ASPHD2: variants seen among roughly 807,000 people sequenced by gnomAD.
ASPHD2 encodes aspartate beta-hydroxylase domain-containing protein 2.
Under a neutral mutation model 34.6 loss-of-function variants are expected in ASPHD2, and 12 were observed. The ratio of observed to expected loss-of-function variants is 0.35; its 90% CI spans 0.22 to 0.56. The LOEUF (loss-of-function observed/expected upper bound fraction) is 0.56, where lower values mean the gene tolerates loss of function less well. Among genes scored for constraint, ASPHD2 ranks in the 20% least tolerant of loss-of-function variants. The pLI, the probability that ASPHD2 is intolerant of heterozygous loss-of-function variation, is 0.87. For missense variants in ASPHD2, 375 were observed against 505.0 expected, an observed-to-expected ratio of 0.74 and a Z score of 2.47; for synonymous variants, 224 against 212.2, an observed-to-expected ratio of 1.06 and a Z score of -0.48.
rs941484683 is a variant in ASPHD2 at position 26,442,589 on chromosome 22, C to A, written c.1000+17C>A. 3 of 1,531,956 alleles carry A rather than the reference C, an allele frequency of 2.0e-6. No homozygotes were observed. Among genetic ancestry groups the A allele is most frequent in the Admixed American group, 2.1e-5 (1 of 48,622 alleles). 94.9% of individuals were successfully genotyped at this position (1,531,956 alleles called of 1,614,324 possible). A position where few individuals can be genotyped will look rare whatever the true frequency, so the allele number is the denominator to read the frequency against. ...TCCATGAAGGTGAGTGGCTGCCTTT[C>A]CCACTTCCTTTTTTTCAATGAATAG... On this transcript the variant is annotated intron_variant, in intron 3 of 3. Transcript: ENST00000215906.
At position 26,434,346 on chromosome 22, in the gene ASPHD2, G is replaced by C; in HGVS notation, c.731G>C (p.Cys244Ser). Reference sequence around the variant, plus strand: ...CAGGGGGTTTGTGTTCCCAGGAACTGTAGGAAGTGCCCACGGACGTACCGC... The same window carrying C: ...CAGGGGGTTTGTGTTCCCAGGAACTCTAGGAAGTGCCCACGGACGTACCGC... The part of the protein sequence containing the change: ...VNQGVCVPRN[C>S]RKCPRTYRLL... The change falls in exon 2 of 4, where the codon TGT becomes TCT. Residue 244 changes from cysteine to serine, a missense_variant. Coordinates refer to ENST00000215906, the MANE Select transcript of ASPHD2 (RefSeq NM_020437.5). The C allele has an allele frequency of 1.2e-6, 2 of 1,614,196 alleles. No individual in the cohort carries two copies. The highest frequency in any genetic ancestry group is 1.7e-6 in the Non-Finnish European group (2 of 1,180,024).
chr22:26,443,107 G>C lies in ASPHD2; in HGVS notation c.1011G>C (p.Glu337Asp). 6.2e-7 allele frequency: 1 copy of C among 1,614,086 alleles called. No individual in the cohort carries two copies. The highest frequency in any genetic ancestry group is 8.5e-7 in the Non-Finnish European group (1 of 1,179,936). The change falls in exon 4 of 4, where the codon GAG (glutamate) becomes GAC (aspartate). Residue 337 changes from glutamate (E) to aspartate (D), a missense_variant. By Grantham distance (45) the Glu-to-Asp change is conservative. Around this residue, in one of 3 missense-constraint regions of ASPHD2, gnomAD observed 142 missense variants for 217.9 expected, o/e 0.65. Transcript: ENST00000215906. ...LHAAFHEGSA[E>D]DGPRVVFMVD... ...CTCCTTCCCCCCCAGGTTCAGCAGA[G>C]GATGGCCCACGGGTGGTTTTCATGG...
rs1438575761 is a variant in ASPHD2, at chr22:26,433,520, G to A, written c.-96G>A. 1.1e-6 allele frequency: 1 copy of A among 937,102 alleles called. No homozygotes were observed. The highest frequency in any genetic ancestry group is 1.6e-6 in the Non-Finnish European group (1 of 616,014). 58.0% of individuals were successfully genotyped at this position (937,102 alleles called of 1,614,324 possible). ...TGGAGCAGTGGGCACGGCCAACCTT[G>A]TCGTTCATCAATGCCGCCCCTGGCA... On this transcript the variant is annotated 5_prime_UTR_variant, in exon 2 of 4. Coordinates refer to ENST00000215906, the MANE Select transcript of ASPHD2 (RefSeq NM_020437.5). The surrounding 1 kb of genome is among the most constrained non-coding windows in gnomAD (Gnocchi z 5.1).
Position 26,433,289 on chromosome 22 carries a change from A to G in ASPHD2, c.-224-103A>G. On this transcript the variant is annotated intron_variant, in intron 1 of 3. Transcript: ENST00000215906. The surrounding 1 kb of genome is among the most constrained non-coding windows in gnomAD (Gnocchi z 5.1). Reference sequence around the variant, plus strand: ...GGAATACACAAGATTGCAAAGTGTGACCCCCACCAACTAGGATCCTACAGA... The same window carrying G: ...GGAATACACAAGATTGCAAAGTGTGGCCCCCACCAACTAGGATCCTACAGA... 5.5e-6 allele frequency: 2 copies of G among 360,566 alleles called. No individual in the cohort carries two copies. 22.3% of individuals were successfully genotyped at this position (360,566 alleles called of 1,614,324 possible).
intron 2 of ASPHD2, among the ~76,000 whole-genome samples, chr22:26,435,457 G>C (rs866815173): frequency 6.6e-6 from 1 of 152,280 alleles, no homozygotes; most frequent in South Asian, 2.1e-4. Context: ...CCTTGGCAGC[G>C]TCCAGCTTTA....
At chr22:26,431,444 A>G (rs2084755674) in intron 1 of ASPHD2, among the ~76,000 whole-genome samples, 1 of 152,066 alleles carries the variant, frequency 6.6e-6, no homozygotes, top group Non-Finnish European at 1.5e-5. Flanking sequence ...AAAAGAAAAC[A>G]AAAAACAACT....
At chr22:26,430,552 T>A (rs1449913694) in intron 1 of ASPHD2, among the ~76,000 whole-genome samples, 2 of 152,214 alleles carry the variant, frequency 1.3e-5, no homozygotes, top group Non-Finnish European at 2.9e-5. Flanking sequence ...GGCAAGGAGC[T>A]GTCGGGGGAG....
In ASPHD2 at chr22:26,433,601, C is replaced by G. The variant is rs746631415; in HGVS notation, c.-15C>G. On this transcript the variant is annotated 5_prime_UTR_variant, in exon 2 of 4. Coordinates refer to ENST00000215906, the MANE Select transcript of ASPHD2 (RefSeq NM_020437.5). This position sits in a 1 kb window ranked among gnomAD's most constrained non-coding sequence, Gnocchi z 5.1. The stretch of plus-strand genomic sequence containing the variant: ...CCCCTGCCCCAGCCGCTCCTTCCCC[C>G]CCACGCTAATCTGCATGGTGTGGGC... The G allele has an allele frequency of 1.3e-5, 21 of 1,603,166 alleles. No homozygotes were observed. Among genetic ancestry groups the G allele is most frequent in the Non-Finnish European group, 1.7e-5 (20 of 1,175,814 alleles).
At chr22:26,436,970 A>C (rs1238609428) in intron 2 of ASPHD2, among the ~76,000 whole-genome samples, 2 of 152,154 alleles carry the variant, frequency 1.3e-5, no homozygotes, top group Non-Finnish European at 2.9e-5. Context: ...ATGTTCCTGT[A>C]GATAGCAGGA....
intron 3 of ASPHD2, 58 bp downstream of exon 3, chr22:26,442,630 G>A (rs2084858236): frequency 2.1e-6 from 3 of 1,414,474 alleles, no homozygotes; most frequent in East Asian, 2.3e-5. Flanking sequence ...TATTTTTTTA[G>A]AGAAGTTTTA....
At position 26,443,410 on chromosome 22, in the gene ASPHD2, A is replaced by ATTT; in HGVS notation, c.*214_*216dup. ...AACTTTTCGGCTTGTATTTCCTTAG[A>ATTT]TTTTTTTTTTTTCCTTCCAATCATT... On this transcript the variant is annotated 3_prime_UTR_variant, in exon 4 of 4. Coordinates refer to ENST00000215906, the MANE Select transcript of ASPHD2 (RefSeq NM_020437.5). 7.0e-6 allele frequency: 3 copies of ATTT among 427,258 alleles called. No homozygotes were observed. Among genetic ancestry groups the ATTT allele is most frequent in the East Asian group, 4.2e-5 (1 of 23,892 alleles). 26.5% of individuals were successfully genotyped at this position (427,258 alleles called of 1,614,324 possible). A position where few individuals can be genotyped will look rare whatever the true frequency, so the allele number is the denominator to read the frequency against.
rs1703599121 is a variant in ASPHD2, at chr22:26,434,282, A to G, written c.667A>G (p.Thr223Ala). The change falls in exon 2 of 4, where the codon ACC becomes GCC. Residue 223 changes from threonine (T) to alanine (A), a missense_variant. Physicochemically the swap from Thr to Ala is moderately conservative, Grantham distance 58. Around this residue, in one of 3 missense-constraint regions of ASPHD2, gnomAD observed 142 missense variants for 217.9 expected, o/e 0.65. Coordinates refer to ENST00000215906, the MANE Select transcript of ASPHD2 (RefSeq NM_020437.5). ...CCCGCAAGGATGGAAAATGAACAGC[A>G]CCCCCAGCGGGGAGTGGTTCACCTT... is the stretch of plus-strand genomic sequence containing the variant. ...SLPQGWKMNS[T>A]PSGEWFTFYL... is the part of the protein sequence containing the mutation. 8 of 1,614,084 alleles carry G rather than the reference A, an allele frequency of 5.0e-6. No individual in the cohort carries two copies. Among genetic ancestry groups the G allele is most frequent in the Non-Finnish European group, 6.8e-6 (8 of 1,180,000 alleles).
At chr22:26,438,354 T>G (rs2084805673) in intron 2 of ASPHD2, among the ~76,000 whole-genome samples, 1 of 152,018 alleles carries the variant, frequency 6.6e-6, no homozygotes, top group African/African-American at 2.4e-5. Context: ...TAATGAAATG[T>G]ACTATTGAGA....
At chr22:26,442,187 T>C (rs888652532) in intron 2 of ASPHD2, among the ~76,000 whole-genome samples, 2 of 121,146 alleles carry the variant, frequency 1.7e-5, no homozygotes. Context: ...TTTATAAGGA[T>C]GCTGCTCCCA....
rs1217182097 is a variant in ASPHD2 at position 26,443,737 on chromosome 22, C to T, written c.*531C>T. 1 of 152,618 alleles carries T rather than the reference C, an allele frequency of 6.6e-6. No individual in the cohort carries two copies. Among genetic ancestry groups the T allele is most frequent in the Non-Finnish European group, 1.5e-5 (1 of 68,408 alleles). The allele number at this position is 152,618 out of a possible 1,614,324, so 9.5% of individuals were successfully genotyped here. A position where few individuals can be genotyped will look rare whatever the true frequency, so the allele number is the denominator to read the frequency against. On this transcript the variant is annotated 3_prime_UTR_variant, in exon 4 of 4. Coordinates refer to ENST00000215906, the MANE Select transcript of ASPHD2 (RefSeq NM_020437.5). ...ACGGCAGGGGGACAGTCTGCAGCCC[C>T]CACACCTGACTGGCTTCAGTAGCCA... is the stretch of plus-strand genomic sequence containing the variant.
Position 26,443,303 on chromosome 22 carries a change from A to G in ASPHD2, c.*97A>G, listed in dbSNP as rs1332423935. The G allele has an allele frequency of 3.1e-6, 3 of 982,844 alleles. No individual in the cohort carries two copies. The Admixed American group carries it at 5.9e-5, about 19-fold the overall frequency. 60.9% of individuals were successfully genotyped at this position (982,844 alleles called of 1,614,324 possible). On this transcript the variant is annotated 3_prime_UTR_variant, in exon 4 of 4. Transcript: ENST00000215906. ...CCCTACCGGTGTTGTTTCCATGCTC[A>G]GAAACCTGCCTCAGCGGAAAGCTCT...
At chr22:26,438,043 G>A (rs1292867137) in intron 2 of ASPHD2, among the ~76,000 whole-genome samples, 1 of 152,144 alleles carries the variant, frequency 6.6e-6, no homozygotes, top group Non-Finnish European at 1.5e-5. Context: ...GAAGCAGGGG[G>A]GTGTCAAGCC....
chr22:26,432,928 T>C (rs2084766394), intron 1 of ASPHD2, among the ~76,000 whole-genome samples: 1 of 152,218 alleles, frequency 6.6e-6, no homozygotes, highest in Admixed American at 6.5e-5. Context: ...TTTGCCATTT[T>C]TAAGATGCTT....
At position 26,433,387 on chromosome 22, in the gene ASPHD2, C is replaced by T. The variant is rs1327429369; in HGVS notation, c.-224-5C>T. On this transcript the variant is annotated splice_polypyrimidine_tract_variant and splice_region_variant and intron_variant, in intron 1 of 3. Coordinates refer to ENST00000215906, the MANE Select transcript of ASPHD2 (RefSeq NM_020437.5). The surrounding 1 kb of genome is among the most constrained non-coding windows in gnomAD (Gnocchi z 5.1). ...ATTTATGCTGATTTTTTTTTTCCAT[C>T]CCAGGTTTGGTTTTCCTAAACAAAT... is the stretch of plus-strand genomic sequence containing the variant. The T allele has an allele frequency of 1.7e-5, 9 of 539,804 alleles. No homozygotes were observed. In the South Asian group the frequency reaches 2.3e-4, roughly 14 times the overall value. The allele number at this position is 539,804 out of a possible 1,614,324, so 33.4% of individuals were successfully genotyped here.
Sources: allele counts gnomAD v4.1 joint callset (sites outside exome capture counted in the v4.1 genomes callset), GRCh38; gene constraint gnomAD v4.1.1; regional missense constraint gnomAD v4.1.1; non-coding constraint Gnocchi (gnomAD v3.1); transcripts MANE v1.5; gene names NCBI Gene and HGNC (gene_info 2026-07-23, HGNC 2026-07-21).